The following ANKRD52 variants were observed in gnomAD, a reference collection of about 807,000 sequenced individuals.
The protein encoded by ANKRD52 is serine/threonine-protein phosphatase 6 regulatory ankyrin repeat subunit C.
A neutral mutation model predicts 116.0 loss-of-function variants in ANKRD52; 7 were observed. That is an observed-to-expected ratio of 0.06 (90% CI 0.03 to 0.11). The LOEUF (loss-of-function observed/expected upper bound fraction) is 0.11, where lower values mean the gene tolerates loss of function less well. Ranked by LOEUF, ANKRD52 falls within the 10% of genes least tolerant of loss-of-function variation. ANKRD52 has a pLI of 1.00. For missense variants in ANKRD52, 839 were observed against 1,408.6 expected (o/e 0.60, Z 6.47); for synonymous variants, 528 against 578.1 (o/e 0.91, Z 1.24).
rs779509717 is a variant in ANKRD52, at chr12:56,245,470, G to T, written c.2311C>A (p.Arg771=). Residue 771 remains arginine (R), a synonymous_variant, in exon 21 of 28, where the codon CGG becomes AGG. Transcript: ENST00000267116. ...GAAAGGGCAGCCTGCAGCAGGGTCC[G>T]CAGTACTGCAGTGTGGCCACAGGCT... is the stretch of plus-strand genomic sequence containing the variant. ...ASACGHTAVL[R]TLLQAALSTD... The T allele has an allele frequency of 1.9e-6, 3 of 1,611,540 alleles. No individual in the cohort carries two copies. Among genetic ancestry groups the T allele is most frequent in the Non-Finnish European group, 2.5e-6 (3 of 1,179,096 alleles).
chr12:56,248,921 G>C lies in ANKRD52; in HGVS notation c.1593-51C>G. 2 of 1,387,354 alleles carry C rather than the reference G, an allele frequency of 1.4e-6. No homozygotes were observed. The highest frequency in any genetic ancestry group is 2.0e-6 in the Non-Finnish European group (2 of 1,014,648). 85.9% of individuals were successfully genotyped at this position (1,387,354 alleles called of 1,614,324 possible). ...GGCAGGGACAGGCCCAGCCCAGGAG[G>C]GCACAGTTCTGGGAGGGCCAGAGGA... is the stretch of plus-strand genomic sequence containing the variant. On this transcript the variant is annotated intron_variant, in intron 15 of 27. Coordinates refer to ENST00000267116, the MANE Select transcript of ANKRD52 (RefSeq NM_173595.4). The surrounding 1 kb of genome is among the most constrained non-coding windows in gnomAD (Gnocchi z 5.1).
rs1871846438 is a variant in ANKRD52 at position 56,254,399 on chromosome 12, CAAGGTACT to C, written c.694-128_694-121del. The C allele has an allele frequency of 2.8e-6, 4 of 1,444,894 alleles. No individual in the cohort carries two copies. The highest frequency in any genetic ancestry group is 2.8e-6 in the Non-Finnish European group (3 of 1,057,202). The allele number at this position is 1,444,894 out of a possible 1,614,324, so 89.5% of individuals were successfully genotyped here. ...CTCATTTCCTCTCGGGTTTATGACC[CAAGGTACT>C]AAGGTACTAAGGGCACTATGGCTAA... On this transcript the variant is annotated intron_variant, in intron 7 of 27. Coordinates refer to ENST00000267116, the MANE Select transcript of ANKRD52 (RefSeq NM_173595.4). This position sits in a 1 kb window ranked among gnomAD's most constrained non-coding sequence, Gnocchi z 4.6.
Position 56,248,422 on chromosome 12 carries a change from G to C in ANKRD52, c.1776+73C>G. The stretch of plus-strand genomic sequence containing the variant: ...GGCAGAAGGAAGGATAACTTCACAA[G>C]TGCTGGCACCTTTGTTAGGGCCTGG... On this transcript the variant is annotated intron_variant, in intron 17 of 27. Transcript: ENST00000267116. This position sits in a 1 kb window ranked among gnomAD's most constrained non-coding sequence, Gnocchi z 5.1. The C allele has an allele frequency of 6.7e-7, 1 of 1,500,338 alleles. No individual in the cohort carries two copies. Among genetic ancestry groups the C allele is most frequent in the Non-Finnish European group, 9.1e-7 (1 of 1,097,066 alleles). 92.9% of individuals were successfully genotyped at this position (1,500,338 alleles called of 1,614,324 possible).
At position 56,254,810 on chromosome 12, in the gene ANKRD52, T is replaced by G. The variant is rs1253615384; in HGVS notation, c.550+55A>C. 2.5e-6 allele frequency: 4 copies of G among 1,603,100 alleles called. No individual in the cohort carries two copies. The African/African-American group carries it at 5.3e-5, about 21-fold the overall frequency. On this transcript the variant is annotated intron_variant, in intron 6 of 27. Transcript: ENST00000267116. This position sits in a 1 kb window ranked among gnomAD's most constrained non-coding sequence, Gnocchi z 4.6. The stretch of plus-strand genomic sequence containing the variant: ...TTCAAAGGCTGCAACCCCACATCCC[T>G]GCCCTAGGAATCCTAAATGTCAAAT...
At position 56,244,878 on chromosome 12, in the gene ANKRD52, G is replaced by A. The variant is rs748996227; in HGVS notation, c.2576+28C>T. 4 of 1,613,956 alleles carry A rather than the reference G, an allele frequency of 2.5e-6. No homozygotes were observed. The highest frequency in any genetic ancestry group is 3.4e-6 in the Non-Finnish European group (4 of 1,179,856). On this transcript the variant is annotated intron_variant, in intron 23 of 27. Coordinates refer to ENST00000267116, the MANE Select transcript of ANKRD52 (RefSeq NM_173595.4). The surrounding 1 kb of genome is among the most constrained non-coding windows in gnomAD (Gnocchi z 4.9). Reference sequence around the variant, plus strand: ...GAAAGGGGAAGCCAGAGGCAACTGGGATTCTTCCCAAGTCTTCCATCACTC... The same window carrying A: ...GAAAGGGGAAGCCAGAGGCAACTGGAATTCTTCCCAAGTCTTCCATCACTC...
In ANKRD52 at chr12:56,243,155, C is replaced by T. The variant is rs1172309689; in HGVS notation, c.3218G>A (p.Cys1073Tyr). The part of the protein sequence containing the change: ...ERPGAIGLDG[C>Y]YSE ...CACTGGAGGGGGCTACTCAGAGTAG[C>T]AGCCATCTAACCCAATGGCGCCGGG... Residue 1073 changes from cysteine to tyrosine, a missense_variant, in exon 28 of 28, where the codon TGC (cysteine) becomes TAC (tyrosine). This residue lies in a region of ANKRD52 where 552 missense variants were observed against 810.6 expected (regional missense o/e 0.68). Transcript: ENST00000267116. This position sits in a 1 kb window ranked among gnomAD's most constrained non-coding sequence, Gnocchi z 4.6. The T allele has an allele frequency of 6.2e-7, 1 of 1,600,112 alleles. No homozygotes were observed. Among genetic ancestry groups the T allele is most frequent in the Non-Finnish European group, 8.5e-7 (1 of 1,172,842 alleles).
Position 56,244,568 on chromosome 12 carries a change from C to T in ANKRD52, c.2722+84G>A, listed in dbSNP as rs1291023497. On this transcript the variant is annotated intron_variant, in intron 24 of 27. Coordinates refer to ENST00000267116, the MANE Select transcript of ANKRD52 (RefSeq NM_173595.4). The surrounding 1 kb of genome is among the most constrained non-coding windows in gnomAD (Gnocchi z 4.9). ...CCCTCTTGCTTTCTGAACCCCAGCC[C>T]CAGCCAGCCTCCACAGGCAGGGCTG... 5 of 1,602,712 alleles carry T rather than the reference C, an allele frequency of 3.1e-6. No homozygotes were observed. The highest frequency in any genetic ancestry group is 2.7e-5 in the African/African-American group (2 of 74,694).
In ANKRD52 at chr12:56,256,001, G is replaced by A. The variant is rs1225169673; in HGVS notation, c.262-17C>T. ...CAGCACCTTCTGTTGAGGGGCAGGG[G>A]ACAAAAGAGAGAGTGGGAGCAGGAG... On this transcript the variant is annotated splice_polypyrimidine_tract_variant and intron_variant, in intron 4 of 27. Coordinates refer to ENST00000267116, the MANE Select transcript of ANKRD52 (RefSeq NM_173595.4). 1.3e-6 allele frequency: 2 copies of A among 1,548,356 alleles called. No individual in the cohort carries two copies. Among genetic ancestry groups the A allele is most frequent in the Non-Finnish European group, 1.8e-6 (2 of 1,142,110 alleles).
chr12:56,255,193 C>T lies in ANKRD52; in HGVS notation c.463-241G>A, dbSNP rs201380582. On this transcript the variant is annotated intron_variant, in intron 5 of 27. Coordinates refer to ENST00000267116, the MANE Select transcript of ANKRD52 (RefSeq NM_173595.4). This position sits in a 1 kb window ranked among gnomAD's most constrained non-coding sequence, Gnocchi z 4.3. Reference sequence around the variant, plus strand: ...CAGGTGATCTGGTGGTTCTTAAACTCTTTTTTTTTTTTTTTTTGAGACAGT... The same window carrying T: ...CAGGTGATCTGGTGGTTCTTAAACTTTTTTTTTTTTTTTTTTTGAGACAGT... 14 of 253,994 alleles carry T rather than the reference C, an allele frequency of 5.5e-5. No homozygotes were observed. The highest frequency in any genetic ancestry group is 1.6e-4 in the South Asian group (2 of 12,128). The allele number at this position is 253,994 out of a possible 1,614,324, so 15.7% of individuals were successfully genotyped here.
In ANKRD52 at chr12:56,244,251, G is replaced by T; in HGVS notation, c.2805+102C>A. 1 of 1,527,974 alleles carries T rather than the reference G, an allele frequency of 6.5e-7. No individual in the cohort carries two copies. The allele number at this position is 1,527,974 out of a possible 1,614,324, so 94.7% of individuals were successfully genotyped here. A position where few individuals can be genotyped will look rare whatever the true frequency, so the allele number is the denominator to read the frequency against. ...GCTGCCCAACCAGTCGGATAGGCTG[G>T]ACAATCCTCACTTCTGCCCCAGTCC... On this transcript the variant is annotated intron_variant, in intron 25 of 27. Coordinates refer to ENST00000267116, the MANE Select transcript of ANKRD52 (RefSeq NM_173595.4). This position sits in a 1 kb window ranked among gnomAD's most constrained non-coding sequence, Gnocchi z 4.9.
At position 56,252,756 on chromosome 12, in the gene ANKRD52, A is replaced by T. The variant is rs755699797; in HGVS notation, c.1301+24T>A. The T allele has an allele frequency of 6.2e-7, 1 of 1,605,018 alleles. No individual in the cohort carries two copies. Among genetic ancestry groups the T allele is most frequent in the Admixed American group, 1.7e-5 (1 of 59,926 alleles). On this transcript the variant is annotated intron_variant, in intron 12 of 27. Coordinates refer to ENST00000267116, the MANE Select transcript of ANKRD52 (RefSeq NM_173595.4). This position sits in a 1 kb window ranked among gnomAD's most constrained non-coding sequence, Gnocchi z 4.7. ...CTTTGCCCAGCTCCCTGCTCAAAGC[A>T]TGGGAGAGAGAAAGAGAACTCACCC... is the stretch of plus-strand genomic sequence containing the variant.
intron 3 of ANKRD52, 30 bp from the exon 4 acceptor site, chr12:56,257,115 G>C: frequency 6.2e-7 from 1 of 1,605,372 alleles, no homozygotes; most frequent in Non-Finnish European, 8.5e-7. Flanking sequence ...TATTTTGATG[G>C]AAGGTGGGGA....
rs936717965 is a variant in ANKRD52, at chr12:56,248,118, C to T, written c.1883G>A (p.Arg628His). Residue 628 changes from arginine to histidine, a missense_variant, in exon 18 of 28, where the codon CGC (arginine) becomes CAC (histidine). Transcript: ENST00000267116. This position sits in a 1 kb window ranked among gnomAD's most constrained non-coding sequence, Gnocchi z 5.1. ...GRTALFLATE[R>H]GSTECVEVLT... is the part of the protein sequence containing the mutation. ...CACCTCCACACACTCAGTAGAGCCG[C>T]GCTCCGTGGCCAGGAAGAGTGCGGT... is the stretch of plus-strand genomic sequence containing the variant. 12 of 1,613,644 alleles carry T rather than the reference C, an allele frequency of 7.4e-6. No homozygotes were observed. Among genetic ancestry groups the T allele is most frequent in the Non-Finnish European group, 1.0e-5 (12 of 1,179,910 alleles).
rs367698687 is a variant in ANKRD52, at chr12:56,249,733, G to A, written c.1593-863C>T. Among the ~76,000 whole-genome samples, 3 of 152,154 alleles carry A rather than the reference G, an allele frequency of 2.0e-5. No individual in the cohort carries two copies. In the East Asian group the frequency reaches 5.8e-4, roughly 29 times the overall value. On this transcript the variant is annotated intron_variant, in intron 15 of 27. Coordinates refer to ENST00000267116, the MANE Select transcript of ANKRD52 (RefSeq NM_173595.4). ...AGCCTCGCCAACATGGCGAAACCCTGTTTCTACTAAAAATACAAAAATTAG... is the reference window on the plus strand; with the variant it reads ...AGCCTCGCCAACATGGCGAAACCCTATTTCTACTAAAAATACAAAAATTAG...
rs143105701 is a variant in ANKRD52, at chr12:56,247,654, G to C, written c.2066+33C>G. 8.1e-5 allele frequency: 129 copies of C among 1,599,986 alleles called. 1 individual carries two copies. In the East Asian group the frequency reaches 2.9e-3, roughly 36 times the overall value. On this transcript the variant is annotated intron_variant, in intron 19 of 27. Transcript: ENST00000267116. Reference sequence around the variant, plus strand: ...AGGAGTGAGGATCCCGCAAGGACTGGAAAACCTGCACCCCACCCTGGCCCA... The same window carrying C: ...AGGAGTGAGGATCCCGCAAGGACTGCAAAACCTGCACCCCACCCTGGCCCA...
rs896011444 is a variant in ANKRD52 at position 56,252,069 on chromosome 12, T to C, written c.1538A>G (p.His513Arg). The change falls in exon 15 of 28, where the codon CAT becomes CGT. Residue 513 changes from histidine (H) to arginine (R), a missense_variant. By Grantham distance (29) the His-to-Arg change is conservative. Transcript: ENST00000267116. The surrounding 1 kb of genome is among the most constrained non-coding windows in gnomAD (Gnocchi z 4.7). ...RRAEPHTPSSHDAEEDEPLKE... is the reference protein window; with the variant it reads ...RRAEPHTPSSRDAEEDEPLKE... ...CAGTGGCTCGTCCTCTTCGGCATCA[T>C]GGCTGGAAGGTGTATGGGGTTCCGC... 1.2e-6 allele frequency: 2 copies of C among 1,613,948 alleles called. No individual in the cohort carries two copies. Among genetic ancestry groups the C allele is most frequent in the Admixed American group, 1.7e-5 (1 of 60,024 alleles).
In ANKRD52 at chr12:56,254,041, G is replaced by A. The variant is rs890827871; in HGVS notation, c.906+26C>T. 3 of 1,603,582 alleles carry A rather than the reference G, an allele frequency of 1.9e-6. No homozygotes were observed. ...CTAGATCCAAGTTTCGCTCCCCACT[G>A]GTCTAAGCCTTATCCCTTCAGGCAC... On this transcript the variant is annotated intron_variant, in intron 8 of 27. Transcript: ENST00000267116. The surrounding 1 kb of genome is among the most constrained non-coding windows in gnomAD (Gnocchi z 4.6).
In ANKRD52 at chr12:56,242,329, G is replaced by C; in HGVS notation, c.*813C>G. The C allele has an allele frequency of 2.5e-6, 1 of 395,490 alleles. No homozygotes were observed. Among genetic ancestry groups the C allele is most frequent in the Non-Finnish European group, 4.5e-6 (1 of 224,680 alleles). 24.5% of individuals were successfully genotyped at this position (395,490 alleles called of 1,614,324 possible). A position where few individuals can be genotyped will look rare whatever the true frequency, so the allele number is the denominator to read the frequency against. On this transcript the variant is annotated 3_prime_UTR_variant, in exon 28 of 28. Coordinates refer to ENST00000267116, the MANE Select transcript of ANKRD52 (RefSeq NM_173595.4). This position sits in a 1 kb window ranked among gnomAD's most constrained non-coding sequence, Gnocchi z 4.3. ...TTCAAGGGAAGGAGAGCCAGGGCAG[G>C]AATGACCACAGGCTCTGCCCTCCCA...
chr12:56,244,420 C>G lies in ANKRD52; in HGVS notation c.2738G>C (p.Arg913Pro). Residue 913 changes from arginine to proline, a missense_variant, in exon 25 of 28, where the codon CGA (arginine) becomes CCA (proline). Around this residue, in one of 2 missense-constraint regions of ANKRD52, gnomAD observed 552 missense variants for 810.6 expected, o/e 0.68. Transcript: ENST00000267116. This position sits in a 1 kb window ranked among gnomAD's most constrained non-coding sequence, Gnocchi z 4.9. ...QTAAVEFLLY[R>P]GKADLTVLDE... is the part of the protein sequence containing the mutation. ...CAACACAGTAAGGTCTGCCTTCCCT[C>G]GATACAGCAGAAATTCTACGAGAGA... 1.2e-6 allele frequency: 2 copies of G among 1,613,960 alleles called. No homozygotes were observed. The highest frequency in any genetic ancestry group is 2.2e-5 in the South Asian group (2 of 91,076).
Sources: allele counts gnomAD v4.1 joint callset (sites outside exome capture counted in the v4.1 genomes callset), GRCh38; gene constraint gnomAD v4.1.1; regional missense constraint gnomAD v4.1.1; non-coding constraint Gnocchi (gnomAD v3.1); transcripts MANE v1.5; gene names NCBI Gene and HGNC (gene_info 2026-07-23, HGNC 2026-07-21).